The following ERC1 variants were observed in gnomAD, a reference collection of about 807,000 sequenced individuals.
ERC1 encodes ELKS/RAB6-interacting/CAST family member 1, also known as RAB6 interacting protein 2.
ERC1 carries 56 observed loss-of-function variants against 132.0 expected under a neutral mutation model. The ratio of observed to expected loss-of-function variants is 0.42; its 90% CI spans 0.34 to 0.53. The LOEUF (loss-of-function observed/expected upper bound fraction) is 0.53. Among genes scored for constraint, ERC1 ranks in the 20% least tolerant of loss-of-function variants. The pLI, the probability that ERC1 is intolerant of heterozygous loss-of-function variation, is 0.03. For missense variants in ERC1, 1,202 were observed against 1,349.9 expected (o/e 0.89, Z 1.72); for synonymous variants, 478 against 476.1 (o/e 1.00, Z -0.05).
chr12:1,258,147 C>G (rs1416437668), intron 13 of ERC1, among the ~76,000 whole-genome samples: 1 of 152,188 alleles, frequency 6.6e-6, no homozygotes, highest in African/African-American at 2.4e-5. Context: ...TTAAGTGTGG[C>G]ATGTCCTATC....
intron 15 of ERC1, among the ~76,000 whole-genome samples, chr12:1,301,096 A>AC (rs1043583454): frequency 4.0e-5 from 6 of 151,838 alleles, no homozygotes; most frequent in African/African-American, 1.5e-4. Flanking sequence ...GGAGTTAAAA[A>AC]CCAAAAGCCT....
At chr12:1,214,035 A>G (rs1357913071) in intron 12 of ERC1, among the ~76,000 whole-genome samples, 3 of 152,208 alleles carry the variant, frequency 2.0e-5, no homozygotes, top group African/African-American at 7.2e-5. Flanking sequence ...GAAAGATGAA[A>G]TTTCCTAAGA....
chr12:1,454,049 C>T (rs947050456), intron 18 of ERC1, among the ~76,000 whole-genome samples: 6 of 152,126 alleles, frequency 3.9e-5, no homozygotes, highest in Non-Finnish European at 8.8e-5. Flanking sequence ...CTCCAGCCCA[C>T]ACCCCAGCCT....
At chr12:1,290,887 T>C (rs1038198444) in intron 15 of ERC1, among the ~76,000 whole-genome samples, 4 of 152,174 alleles carry the variant, frequency 2.6e-5, no homozygotes, top group Non-Finnish European at 5.9e-5. Flanking sequence ...AGATTTCAAG[T>C]CCCCGCCTCA....
intron 13 of ERC1, among the ~76,000 whole-genome samples, chr12:1,253,641 A>T (rs920778336): frequency 6.6e-6 from 1 of 151,992 alleles, no homozygotes; most frequent in African/African-American, 2.4e-5. Flanking sequence ...ACGCCATTGC[A>T]CTCCAGCCTG....
chr12:1,374,383 C>G (rs1375503949), intron 16 of ERC1, among the ~76,000 whole-genome samples: 1 of 151,814 alleles, frequency 6.6e-6, no homozygotes, highest in Admixed American at 6.6e-5. Flanking sequence ...CTAACCACCG[C>G]CCCCCCACCC....
At chr12:1,228,349 G>GTTTATTCCTGTGAAAGTCTTGATGCTC (rs1200100941) in intron 12 of ERC1, among the ~76,000 whole-genome samples, 1 of 151,122 alleles carries the variant, frequency 6.6e-6, no homozygotes, top group Non-Finnish European at 1.5e-5. Flanking sequence ...CTTTCAGCCA[G>GTTTATTCCTGTGAAAGTCTTGATGCTC]TTGTATACAA....
chr12:1,070,905 C>CT (rs760737123), intron 2 of ERC1, among the ~76,000 whole-genome samples: 1 of 152,218 alleles, frequency 6.6e-6, no homozygotes, highest in Non-Finnish European at 1.5e-5. Flanking sequence ...ATTCCTTTCA[C>CT]TTTAATTTTA....
At chr12:1,051,146 A>G (rs1335039534) in intron 2 of ERC1, among the ~76,000 whole-genome samples, 2 of 152,232 alleles carry the variant, frequency 1.3e-5, no homozygotes, top group Non-Finnish European at 2.9e-5. Context: ...CTTAGATTGC[A>G]TGATTTTCAG....
chr12:1,481,236 T>G (rs921744322), intron 18 of ERC1, among the ~76,000 whole-genome samples: 4 of 152,036 alleles, frequency 2.6e-5, no homozygotes, highest in African/African-American at 9.7e-5. Flanking sequence ...CGCCGCCGTA[T>G]TTTAGTATAA....
chr12:1,403,859 T>C (rs1483388906), intron 16 of ERC1, among the ~76,000 whole-genome samples: 1 of 152,234 alleles, frequency 6.6e-6, no homozygotes, highest in East Asian at 1.9e-4. Flanking sequence ...TCACCCACAT[T>C]CCTGTTAAAG....
At chr12:1,466,353 A>G (rs896555365) in intron 18 of ERC1, among the ~76,000 whole-genome samples, 2 of 151,562 alleles carry the variant, frequency 1.3e-5, no homozygotes, top group African/African-American at 4.9e-5. Context: ...TGGATTTGGA[A>G]CCACCCTGCC....
At position 1,211,091 on chromosome 12, in the gene ERC1, C is replaced by A. The variant is rs1294970363; in HGVS notation, c.2351+21039C>A. ...AAAATCACTTAAGTATGTTACACAA[C>A]TATTTTGAAACTGTTAGTGAAAAAT... On this transcript the variant is annotated intron_variant, in intron 12 of 18. Coordinates refer to ENST00000360905, the MANE Select transcript of ERC1 (RefSeq NM_178040.4). Among the ~76,000 whole-genome samples, 11 of 152,154 alleles carry A rather than the reference C, an allele frequency of 7.2e-5. 1 individual carries two copies. In the East Asian group the frequency reaches 1.9e-3, roughly 27 times the overall value.
At chr12:1,001,780 A>C (rs1962342824) in intron 1 of ERC1, among the ~76,000 whole-genome samples, 1 of 149,816 alleles carries the variant, frequency 6.7e-6, no homozygotes, top group Non-Finnish European at 1.5e-5. Context: ...TTATTGTATT[A>C]TTGATGGATA....
intron 11 of ERC1, among the ~76,000 whole-genome samples, chr12:1,184,667 C>G (rs1391237826): frequency 6.6e-6 from 1 of 152,134 alleles, no homozygotes; most frequent in East Asian, 1.9e-4. Context: ...ATTGGCATTC[C>G]ATGTCTTCAG....
At chr12:1,424,866 ATAG>A (rs2092579487) in intron 17 of ERC1, among the ~76,000 whole-genome samples, 1 of 108,388 alleles carries the variant, frequency 9.2e-6, no homozygotes, top group Admixed American at 8.9e-5. Flanking sequence ...AGATAGATCG[ATAG>A]ATAGATAGAT....
intron 2 of ERC1, among the ~76,000 whole-genome samples, chr12:1,052,667 G>A (rs529715282): frequency 2.6e-5 from 4 of 152,182 alleles, no homozygotes; most frequent in East Asian, 3.9e-4. Flanking sequence ...AAAGTATTAC[G>A]TATCTGAAAA....
At chr12:1,140,265 C>A (rs1949742432) in intron 7 of ERC1, among the ~76,000 whole-genome samples, 1 of 152,094 alleles carries the variant, frequency 6.6e-6, no homozygotes, top group Non-Finnish European at 1.5e-5. Context: ...TTCCATACTA[C>A]TTAACTGAGC....
At chr12:1,157,027 A>G (rs1195293962) in intron 8 of ERC1, among the ~76,000 whole-genome samples, 2 of 152,146 alleles carry the variant, frequency 1.3e-5, no homozygotes, top group Non-Finnish European at 2.9e-5. Flanking sequence ...ACCAAATTTA[A>G]TAGTACTTTT....
Sources: allele counts gnomAD v4.1 joint callset (sites outside exome capture counted in the v4.1 genomes callset), GRCh38; gene constraint gnomAD v4.1.1; transcripts MANE v1.5; gene names NCBI Gene and HGNC (gene_info 2026-07-23, HGNC 2026-07-21).